FGF13: variants seen among roughly 807,000 people sequenced by gnomAD.
FGF13 encodes fibroblast growth factor homologous factor 2.
In FGF13, 2 loss-of-function variants were observed where a neutral mutation model predicts 19.5. The observed-to-expected ratio is 0.10, with a 90% CI of 0.04 to 0.32. The LOEUF (loss-of-function observed/expected upper bound fraction) is 0.32, where lower values mean the gene tolerates loss of function less well. Ranked by LOEUF, FGF13 falls within the 10% of genes least tolerant of loss-of-function variation. The probability of loss-of-function intolerance (pLI) is 1.00; values close to 1 mark genes in which losing one functional copy is unlikely to be tolerated. For missense variants in FGF13, 113 were observed against 192.7 expected (o/e 0.59, Z 2.45); for synonymous variants, 72 against 76.9 (o/e 0.94, Z 0.33).
At chrX:138,895,859 C>T (rs1033848039) in intron 1 of FGF13, among the ~76,000 whole-genome samples, 17 of 111,911 alleles carry the variant, frequency 1.5e-4, no homozygotes, top group African/African-American at 5.5e-4. Context: ...CTACAACATT[C>T]ATGAACCTGA....
chrX:139,118,242 C>A, intron 1 of FGF13, among the ~76,000 whole-genome samples: 1 of 111,668 alleles, frequency 9.0e-6, no homozygotes, highest in African/African-American at 3.3e-5. Flanking sequence ...GGGTTACAGC[C>A]CAATAAAGTC....
chrX:138,679,354 C>T (rs1034037549), intron 3 of FGF13, among the ~76,000 whole-genome samples: 2 of 111,134 alleles, frequency 1.8e-5, no homozygotes, highest in Admixed American at 9.6e-5. Flanking sequence ...GCTGGGGCTA[C>T]AGGCACGAGC....
intron 1 of FGF13, among the ~76,000 whole-genome samples, chrX:138,943,263 G>A (rs2091767421): frequency 8.9e-6 from 1 of 111,883 alleles, no homozygotes; most frequent in Admixed American, 9.5e-5. Flanking sequence ...GTTTGCAGAG[G>A]CCCCTTGTGA....
At chrX:138,940,747 G>A (rs758291835) in intron 1 of FGF13, among the ~76,000 whole-genome samples, 3 of 110,803 alleles carry the variant, frequency 2.7e-5, no homozygotes, top group Non-Finnish European at 5.7e-5. Flanking sequence ...TTATAGCTTT[G>A]TGGTATTATT....
intron 1 of FGF13, among the ~76,000 whole-genome samples, chrX:139,105,695 C>A (rs1378188881): frequency 8.9e-6 from 1 of 112,291 alleles, no homozygotes; most frequent in Non-Finnish European, 1.9e-5. Flanking sequence ...AGCACTATTA[C>A]TAAATATTCA....
At chrX:138,743,038 A>C (rs1223236721), upstream of FGF13, among the ~76,000 whole-genome samples, 1 of 111,639 alleles carries the variant, frequency 9.0e-6, no homozygotes, top group Non-Finnish European at 1.9e-5. Flanking sequence ...TTCATTTAAA[A>C]AATACTGAGT....
intron 1 of FGF13, among the ~76,000 whole-genome samples, chrX:139,045,623 T>C (rs1025702395): frequency 1.8e-5 from 2 of 112,468 alleles, no homozygotes; most frequent in African/African-American, 6.5e-5. Context: ...AGCTCTTGAA[T>C]GCTTTGCTGC....
chrX:138,684,322 C>G (rs1405542610), intron 3 of FGF13, among the ~76,000 whole-genome samples: 1 of 111,056 alleles, frequency 9.0e-6, no homozygotes, highest in African/African-American at 3.3e-5. Flanking sequence ...TTCGGTGTGC[C>G]CATATTGTGA....
chrX:138,929,598 ACT>A (rs1273544623), intron 1 of FGF13, among the ~76,000 whole-genome samples: 7 of 110,741 alleles, frequency 6.3e-5, no homozygotes, highest in Non-Finnish European at 3.8e-5. Flanking sequence ...CTCATTCCTC[ACT>A]CTGTCCCTAG....
At position 138,711,596 on chromosome X, in the gene FGF13, G is replaced by A; in HGVS notation, c.-593C>T. Reference sequence around the variant, plus strand: ...AATCGGGAAAAGTTGGCCCGTGCCAGGTTTCCGACAGGGATCAAACAGGTA... The same window carrying A: ...AATCGGGAAAAGTTGGCCCGTGCCAAGTTTCCGACAGGGATCAAACAGGTA... On this transcript the variant is annotated 5_prime_UTR_variant, in exon 1 of 5. Transcript: ENST00000315930. The A allele has an allele frequency of 1.3e-6, 1 of 755,499 alleles. No homozygotes were observed. The highest frequency in any genetic ancestry group is 1.6e-6 in the Non-Finnish European group (1 of 639,560). The allele number at this position is 755,499 out of a possible 1,213,427, so 62.3% of individuals were successfully genotyped here. A position where few individuals can be genotyped will look rare whatever the true frequency, so the allele number is the denominator to read the frequency against.
intron 1 of FGF13, among the ~76,000 whole-genome samples, chrX:139,018,370 G>T (rs1408159928): frequency 2.7e-5 from 3 of 111,647 alleles, no homozygotes; most frequent in African/African-American, 9.7e-5. Context: ...AGTGCAGCTT[G>T]CATTAAAGAC....
rs890751098 is a variant in FGF13, at chrX:138,628,261, C to G, written c.*4589G>C. On this transcript the variant is annotated 3_prime_UTR_variant, in exon 5 of 5. Transcript: ENST00000315930. ...AGCAATAAAAGTTATGAAAAGCTGT[C>G]TTTGTAAATATGGTTAAGAATTTGA... 8.9e-6 allele frequency: 1 copy of G among 112,006 alleles called. No homozygotes were observed. Among genetic ancestry groups the G allele is most frequent in the Non-Finnish European group, 1.9e-5 (1 of 53,210 alleles). The allele number at this position is 112,006 out of a possible 1,213,427, so 9.2% of individuals were successfully genotyped here. A position where few individuals can be genotyped will look rare whatever the true frequency, so the allele number is the denominator to read the frequency against.
At chrX:138,795,021 G>A (rs1054046095) in intron 3 of FGF13, among the ~76,000 whole-genome samples, 10 of 112,060 alleles carry the variant, frequency 8.9e-5, no homozygotes, top group Admixed American at 5.7e-4. Context: ...TCTGTTGGGA[G>A]TTCTCTTTAT....
chrX:138,816,782 A>C, intron 3 of FGF13, among the ~76,000 whole-genome samples: 1 of 111,524 alleles, frequency 9.0e-6, no homozygotes, highest in Non-Finnish European at 1.9e-5. Flanking sequence ...AAACCTCATC[A>C]GCTATTGTTA....
chrX:139,157,194 G>C (rs747486382), intron 1 of FGF13, among the ~76,000 whole-genome samples: 24 of 110,824 alleles, frequency 2.2e-4, no homozygotes, highest in Non-Finnish European at 3.6e-4. Context: ...AACTAAACTC[G>C]GAAGCTATAT....
chrX:139,041,794 A>C (rs1026961553), intron 1 of FGF13, among the ~76,000 whole-genome samples: 1 of 112,174 alleles, frequency 8.9e-6, no homozygotes, highest in Non-Finnish European at 1.9e-5. Flanking sequence ...TTAATGTATA[A>C]GATGGCATTT....
At chrX:138,728,229 C>T (rs2090200880) in intron 1 of FGF13, among the ~76,000 whole-genome samples, 1 of 111,278 alleles carries the variant, frequency 9.0e-6, no homozygotes, top group Admixed American at 9.5e-5. Context: ...CCTGGTTCTC[C>T]AGAGTTTCAG....
At chrX:138,687,292 T>C (rs773579840) in intron 3 of FGF13, among the ~76,000 whole-genome samples, 2 of 111,101 alleles carry the variant, frequency 1.8e-5, no homozygotes, top group African/African-American at 6.5e-5. Flanking sequence ...CACAACTCAA[T>C]AGCAAAAATA....
At chrX:138,870,714 G>A (rs962594658) in intron 1 of FGF13, among the ~76,000 whole-genome samples, 3 of 112,656 alleles carry the variant, frequency 2.7e-5, no homozygotes, top group African/African-American at 9.7e-5. Flanking sequence ...GCAGAGAGAT[G>A]AAAGGAAAGA....
Sources: allele counts gnomAD v4.1 joint callset (sites outside exome capture counted in the v4.1 genomes callset), GRCh38; gene constraint gnomAD v4.1.1; transcripts MANE v1.5; gene names NCBI Gene and HGNC (gene_info 2026-07-23, HGNC 2026-07-21).